GRK5: variants seen among roughly 807,000 people sequenced by gnomAD.
GRK5 encodes G protein-coupled receptor kinase 5.
GRK5 carries 40 observed loss-of-function variants against 78.4 expected under a neutral mutation model. That is an observed-to-expected ratio of 0.51 (90% confidence interval 0.40 to 0.66). The LOEUF is 0.66. GRK5 is among the 30% of genes least tolerant of loss of function. The pLI is 0.00. For missense variants in GRK5, 598 were observed against 759.9 expected (o/e 0.79, Z 2.50); for synonymous variants, 289 against 296.8 (o/e 0.97, Z 0.27).
chr10:119,265,768 G>A (rs1849485659), intron 1 of GRK5, among the ~76,000 whole-genome samples: 1 of 152,200 alleles, frequency 6.6e-6, no homozygotes, highest in Non-Finnish European at 1.5e-5. Context: ...ATATTTCCAG[G>A]CATTTTGGAG....
At chr10:119,289,352 C>G (rs74157649) in intron 1 of GRK5, among the ~76,000 whole-genome samples, 8 of 152,164 alleles carry the variant, frequency 5.3e-5, no homozygotes, top group Admixed American at 2.6e-4. Flanking sequence ...TAGGACTGGA[C>G]CAGCTAAGGG....
At chr10:119,449,505 G>C (rs1853230762) in intron 13 of GRK5, among the ~76,000 whole-genome samples, 1 of 152,214 alleles carries the variant, frequency 6.6e-6, no homozygotes, top group South Asian at 2.1e-4. Flanking sequence ...GGGCCACTGA[G>C]AATATAAAGA....
chr10:119,292,727 C>G (rs561994470), intron 1 of GRK5, among the ~76,000 whole-genome samples: 6 of 152,076 alleles, frequency 3.9e-5, no homozygotes, highest in African/African-American at 1.4e-4. Flanking sequence ...CTATACACAG[C>G]CTCTGGTATA....
At chr10:119,368,718 G>A (rs190566760) in intron 2 of GRK5, among the ~76,000 whole-genome samples, 1 of 152,328 alleles carries the variant, frequency 6.6e-6, no homozygotes, top group Admixed American at 6.5e-5. Context: ...AGGGCCCCTG[G>A]GCTCAGACCG....
chr10:119,274,988 C>G (rs150086113), intron 1 of GRK5, among the ~76,000 whole-genome samples: 45 of 152,288 alleles, frequency 3.0e-4, no homozygotes, highest in Non-Finnish European at 5.7e-4. Flanking sequence ...TATGGTTTAG[C>G]CACAAGCTAG....
At chr10:119,433,260 C>T (rs575133196) in intron 8 of GRK5, among the ~76,000 whole-genome samples, 4 of 152,240 alleles carry the variant, frequency 2.6e-5, no homozygotes, top group Admixed American at 6.5e-5. Flanking sequence ...ATTTCAGCTG[C>T]GGGCCTTCTT....
At chr10:119,252,292 G>A (rs1257268879) in intron 1 of GRK5, among the ~76,000 whole-genome samples, 1 of 152,198 alleles carries the variant, frequency 6.6e-6, no homozygotes, top group Non-Finnish European at 1.5e-5. Context: ...CCAGGCCTGC[G>A]ACGGGCAGAG....
chr10:119,224,668 C>T (rs904494317), intron 1 of GRK5, among the ~76,000 whole-genome samples: 2 of 152,164 alleles, frequency 1.3e-5, no homozygotes, highest in African/African-American at 2.4e-5. Flanking sequence ...ACTGCCTTGG[C>T]CTTACAAAGT....
intron 4 of GRK5, among the ~76,000 whole-genome samples, chr10:119,408,085 C>T (rs1422239986): frequency 6.7e-6 from 1 of 149,902 alleles, no homozygotes; most frequent in Non-Finnish European, 1.5e-5. Context: ...ATCGCTCGAA[C>T]CCAGGAGGCA....
intron 1 of GRK5, among the ~76,000 whole-genome samples, chr10:119,249,529 ACT>A (rs1168140002): frequency 6.6e-6 from 1 of 151,984 alleles, no homozygotes; most frequent in East Asian, 1.9e-4. Context: ...ATGGAGTCTC[ACT>A]CTGTTGCCCA....
chr10:119,245,185 G>A (rs535178164), intron 1 of GRK5, among the ~76,000 whole-genome samples: 66 of 152,232 alleles, frequency 4.3e-4, no homozygotes, highest in Non-Finnish European at 7.1e-4. Flanking sequence ...GACTGAGGCA[G>A]AAGAATCTCT....
intron 1 of GRK5, among the ~76,000 whole-genome samples, chr10:119,316,218 C>A (rs1425984099): frequency 6.6e-6 from 1 of 152,290 alleles, no homozygotes; most frequent in Admixed American, 6.5e-5. Context: ...CATACAAGGA[C>A]CAGACCCACT....
rs1424467925 is a variant in GRK5, at chr10:119,430,409, C to T, written c.568C>T (p.Arg190Ter). 1 of 1,613,110 alleles carries T rather than the reference C, an allele frequency of 6.2e-7. No homozygotes were observed. The highest frequency in any genetic ancestry group is 8.5e-7 in the Non-Finnish European group (1 of 1,179,658). Residue 190 changes from arginine to a stop codon, truncating the protein, a stop_gained, in exon 7 of 16, where the codon CGA (arginine) becomes TGA (stop). Coordinates refer to ENST00000392870, the MANE Select transcript of GRK5 (RefSeq NM_005308.3). LOFTEE classifies it high-confidence loss of function. This position sits in a 1 kb window ranked among gnomAD's most constrained non-coding sequence, Gnocchi z 4.5. Reference protein sequence around the residue: ...PVTKNTFRQYRVLGKGGFGEV... With the variant: ...PVTKNTFRQY ...GACCAAAAACACTTTCAGGCAGTAT[C>T]GAGTGCTAGGAAAAGGGGGCTTCGG...
At chr10:119,410,944 T>C (rs1852326887) in intron 4 of GRK5, among the ~76,000 whole-genome samples, 1 of 150,800 alleles carries the variant, frequency 6.6e-6, no homozygotes, top group African/African-American at 2.4e-5. Flanking sequence ...CAGCCTGCAG[T>C]CCTTGCTGAC....
intron 1 of GRK5, among the ~76,000 whole-genome samples, chr10:119,270,013 G>C (rs990105648): frequency 1.3e-5 from 2 of 152,076 alleles, no homozygotes; most frequent in Non-Finnish European, 2.9e-5. Flanking sequence ...TACCTTGAAT[G>C]TACCTTCCTA....
chr10:119,415,283 G>A (rs1005196604), intron 4 of GRK5, among the ~76,000 whole-genome samples: 4 of 151,970 alleles, frequency 2.6e-5, no homozygotes, highest in Admixed American at 2.6e-4. Context: ...TGAAGGGGTG[G>A]GAAGGAACGA....
chr10:119,453,032 G>C (rs1297133196), intron 14 of GRK5, 113 bp from the exon 15 acceptor site: 5 of 866,574 alleles, frequency 5.8e-6, no homozygotes, highest in Admixed American at 5.3e-5. Context: ...GACCTGGAGG[G>C]CGTGTGGCTC....
intron 12 of GRK5, among the ~76,000 whole-genome samples, chr10:119,447,676 G>A (rs374622679): frequency 1.3e-5 from 2 of 152,194 alleles, no homozygotes; most frequent in East Asian, 1.9e-4. Flanking sequence ...ATGAGTCTGA[G>A]CACTCCTAGA....
intron 2 of GRK5, chr10:119,333,169 T>A (rs1373250454): frequency 6.6e-6 from 1 of 152,320 alleles, no homozygotes; most frequent in Non-Finnish European, 1.5e-5. Context: ...AAAAAATTGG[T>A]GACATGTGTT....
Sources: allele counts gnomAD v4.1 joint callset (sites outside exome capture counted in the v4.1 genomes callset), GRCh38; gene constraint gnomAD v4.1.1; non-coding constraint Gnocchi (gnomAD v3.1); transcripts MANE v1.5; gene names NCBI Gene and HGNC (gene_info 2026-07-23, HGNC 2026-07-21).